Variants in NBEAL1 observed in about 807,000 individuals in gnomAD.
The protein encoded by NBEAL1 is neurobeachin-like protein 1.
In NBEAL1, 273 loss-of-function variants were observed where a neutral mutation model predicts 351.3. That is an observed-to-expected ratio of 0.78 (90% confidence interval 0.70 to 0.86). The LOEUF (loss-of-function observed/expected upper bound fraction) is 0.86, where lower values mean the gene tolerates loss of function less well. Ranked by LOEUF, NBEAL1 falls within the 40% of genes least tolerant of loss-of-function variation. The probability of loss-of-function intolerance (pLI) is 0.00; values close to 1 mark genes in which losing one functional copy is unlikely to be tolerated. For synonymous variants in NBEAL1, 1,050 were observed against 1,086.4 expected (o/e 0.97, Z 0.66); for missense variants, 2,961 against 3,201.3 (o/e 0.92, Z 1.81).
chr2:203,045,076 A>G (rs971158363), intron 3 of NBEAL1, among the ~76,000 whole-genome samples: 1 of 152,216 alleles, frequency 6.6e-6, no homozygotes, highest in South Asian at 2.1e-4. Flanking sequence ...TCTATAAGGC[A>G]TGTTCAACCA....
chr2:203,065,172 T>G (rs540784662), intron 6 of NBEAL1, among the ~76,000 whole-genome samples: 1 of 152,096 alleles, frequency 6.6e-6, no homozygotes, highest in South Asian at 2.1e-4. Context: ...GGTGGGAAGA[T>G]CTCTTGATCC....
intron 2 of NBEAL1, 42 bp from the exon 3 acceptor site, chr2:203,041,723 C>G: frequency 7.4e-7 from 1 of 1,342,846 alleles, no homozygotes. Flanking sequence ...TTTTTTTTTC[C>G]TGATAGGCAT....
intron 27 of NBEAL1, among the ~76,000 whole-genome samples, chr2:203,133,713 A>C (rs534267384): frequency 2.0e-5 from 3 of 150,996 alleles, no homozygotes; most frequent in Non-Finnish European, 4.4e-5. Context: ...TGATATATAT[A>C]TATATATATG....
At chr2:203,112,859 C>A (rs2062603583) in intron 16 of NBEAL1, among the ~76,000 whole-genome samples, 156 bp from the exon 17 acceptor site, 1 of 152,086 alleles carries the variant, frequency 6.6e-6, no homozygotes, top group Admixed American at 6.6e-5. Context: ...ACACATGCGT[C>A]TACACTTCAT....
At chr2:203,095,614 C>G (rs1377420685) in intron 10 of NBEAL1, among the ~76,000 whole-genome samples, 2 of 152,008 alleles carry the variant, frequency 1.3e-5, no homozygotes, top group African/African-American at 4.8e-5. Flanking sequence ...AAAGATTCTT[C>G]TTACGGATTG....
intron 4 of NBEAL1, among the ~76,000 whole-genome samples, chr2:203,055,971 G>A (rs1416328015): frequency 6.6e-6 from 1 of 152,070 alleles, no homozygotes; most frequent in Non-Finnish European, 1.5e-5. Context: ...AAAGGAAACC[G>A]TAATTCAAAA....
intron 15 of NBEAL1, among the ~76,000 whole-genome samples, 162 bp downstream of exon 15, chr2:203,110,444 A>C (rs932779686): frequency 5.9e-5 from 9 of 152,050 alleles, no homozygotes; most frequent in Admixed American, 5.9e-4. Context: ...AGCCCAAAGC[A>C]GGCAGATAAC....
intron 8 of NBEAL1, among the ~76,000 whole-genome samples, chr2:203,079,370 C>T (rs1216722646): frequency 6.6e-6 from 1 of 152,202 alleles, no homozygotes; most frequent in Non-Finnish European, 1.5e-5. Flanking sequence ...GTGTGAGTCA[C>T]TGTGCCTAGC....
At chr2:203,149,194 C>G (rs1222344962) in intron 34 of NBEAL1, 46 bp downstream of exon 34, 1 of 1,444,778 alleles carries the variant, frequency 6.9e-7, no homozygotes, top group Admixed American at 2.3e-5. Flanking sequence ...CTTTAGTACT[C>G]TGGTCTAGAA....
chr2:203,114,998 C>G (rs1010355804), intron 17 of NBEAL1, among the ~76,000 whole-genome samples: 1 of 152,170 alleles, frequency 6.6e-6, no homozygotes, highest in Non-Finnish European at 1.5e-5. Context: ...GTGATCCTCC[C>G]ACCTTGGCCT....
In NBEAL1 at chr2:203,209,220, A is replaced by G. The variant is rs1288252188; in HGVS notation, c.7683A>G (p.Pro2561=). The change falls in exon 53 of 56, where the codon CCA becomes CCG. Residue 2561 remains proline (P), a synonymous_variant. Coordinates refer to ENST00000683969, the MANE Select transcript of NBEAL1 (RefSeq NM_001378026.1). ...QKGQYMRTLR[P]PCESSLFLTI... is the part of the protein sequence containing the mutation. ...GTCAGTACATGAGGACTTTACGACC[A>G]CCTTGTGAGAGTTCTCTGTTCCTGA... The G allele has an allele frequency of 2.5e-6, 4 of 1,613,732 alleles. No homozygotes were observed. The highest frequency in any genetic ancestry group is 1.7e-4 in the Middle Eastern group (1 of 6,060).
chr2:203,043,168 G>A (rs886166832), intron 3 of NBEAL1, among the ~76,000 whole-genome samples: 5 of 151,970 alleles, frequency 3.3e-5, no homozygotes, highest in Admixed American at 6.6e-5. Flanking sequence ...TCTTAGAGGA[G>A]GTGAAGTGTT....
Position 203,105,183 on chromosome 2 carries a change from A to T in NBEAL1, c.1270-2237A>T, listed in dbSNP as rs370276361. On this transcript the variant is annotated intron_variant, in intron 12 of 55. Transcript: ENST00000683969. ...TTTTCTTTAAGAATGCTGAATATGG[A>T]TGGGCGCAGTCGCTCACACCTGTGA... 1.8e-3 allele frequency among the ~76,000 whole-genome samples: 275 copies of T among 151,430 alleles called. 2 individuals are homozygous for T. The highest frequency in any genetic ancestry group is 6.0e-3 in the African/African-American group (247 of 41,360).
At chr2:203,106,455 C>G (rs542821900) in intron 12 of NBEAL1, among the ~76,000 whole-genome samples, 1 of 152,274 alleles carries the variant, frequency 6.6e-6, no homozygotes, top group South Asian at 2.1e-4. Flanking sequence ...TGGCTTGTGA[C>G]TTAATCTCCA....
chr2:203,126,543 C>A lies in NBEAL1; in HGVS notation c.2986-14C>A. ...AAACTGAACTATATGAAACCCTCTT[C>A]TGTTTGGTTTCAGGTGCCAAGCACC... On this transcript the variant is annotated splice_polypyrimidine_tract_variant and intron_variant, in intron 21 of 55. Transcript: ENST00000683969. 7.0e-7 allele frequency: 1 copy of A among 1,435,220 alleles called. No homozygotes were observed. The highest frequency in any genetic ancestry group is 1.6e-5 in the South Asian group (1 of 61,666). 88.9% of individuals were successfully genotyped at this position (1,435,220 alleles called of 1,614,324 possible). A position where few individuals can be genotyped will look rare whatever the true frequency, so the allele number is the denominator to read the frequency against.
intron 2 of NBEAL1, among the ~76,000 whole-genome samples, chr2:203,027,339 G>GA (rs919165154): frequency 6.6e-6 from 1 of 152,048 alleles, no homozygotes; most frequent in African/African-American, 2.4e-5. Context: ...CTTAAAAAAT[G>GA]AAAAAATAAC....
At position 203,108,142 on chromosome 2, in the gene NBEAL1, A is replaced by C; in HGVS notation, c.1903A>C (p.Thr635Pro). ...GTTTTGCTTAGACCAGGATCAGTTG[A>C]CTCTTGGCATTGCTAACAAAGGAGG... ...AWFCLDQDQL[T>P]LGIANKGGKR... is the part of the protein sequence containing the mutation. Residue 635 changes from threonine (T) to proline (P), a missense_variant, in exon 14 of 56, where the codon ACT becomes CCT. Coordinates refer to ENST00000683969, the MANE Select transcript of NBEAL1 (RefSeq NM_001378026.1). 1 of 1,551,618 alleles carries C rather than the reference A, an allele frequency of 6.4e-7. No homozygotes were observed. The highest frequency in any genetic ancestry group is 8.7e-7 in the Non-Finnish European group (1 of 1,146,784).
Position 203,039,130 on chromosome 2 carries a change from G to GTTGTCTTTC in NBEAL1, c.52-2628_52-2620dup, listed in dbSNP as rs2061086895. 1.4e-5 allele frequency among the ~76,000 whole-genome samples: 2 copies of GTTGTCTTTC among 148,010 alleles called. 1 individual carries two copies. The highest frequency in any genetic ancestry group is 3.0e-5 in the Non-Finnish European group (2 of 65,968). ...AGGTAGAAAAGTGATTCAGTCTAGT[G>GTTGTCTTTC]TTGTCTTTCTTGTCTGTCTTGTCTT... On this transcript the variant is annotated intron_variant, in intron 2 of 55. Transcript: ENST00000683969.
chr2:203,184,095 A>AG (rs1559045984), intron 44 of NBEAL1, among the ~76,000 whole-genome samples: 1 of 150,532 alleles, frequency 6.6e-6, no homozygotes, highest in East Asian at 2.0e-4. Flanking sequence ...AAAAAAAAAA[A>AG]AAAAGAAACA....
Sources: allele counts gnomAD v4.1 joint callset (sites outside exome capture counted in the v4.1 genomes callset), GRCh38; gene constraint gnomAD v4.1.1; transcripts MANE v1.5; gene names NCBI Gene and HGNC (gene_info 2026-07-23, HGNC 2026-07-21).